The following MTMR7 variants were observed in gnomAD, a reference collection of about 807,000 sequenced individuals.
MTMR7 encodes myotubularin related protein 7, also known as phosphatidylinositol-3-phosphate phosphatase MTMR7.
A neutral mutation model predicts 81.2 loss-of-function variants in MTMR7; 76 were observed. The ratio of observed to expected loss-of-function variants is 0.94; its 90% CI spans 0.78 to 1.13. The LOEUF (loss-of-function observed/expected upper bound fraction) is 1.13, where lower values mean the gene tolerates loss of function less well. Ranked by LOEUF, MTMR7 falls within the 50% of genes most tolerant of loss-of-function variation. MTMR7 has a pLI of 0.00. For synonymous variants in MTMR7, 372 were observed against 289.8 expected, an observed-to-expected ratio of 1.28 and a Z score of -2.88; for missense variants, 1,044 against 820.0, an observed-to-expected ratio of 1.27 and a Z score of -3.34.
chr8:17,315,540 T>C (rs369399683), intron 7 of MTMR7, among the ~76,000 whole-genome samples: 12 of 152,304 alleles, frequency 7.9e-5, no homozygotes, highest in African/African-American at 2.9e-4. Flanking sequence ...ATGTGAATAA[T>C]GCAGGTGGCT....
At chr8:17,313,447 C>T in intron 7 of MTMR7, 46 bp from the exon 8 acceptor site, 1 of 1,212,202 alleles carries the variant, frequency 8.2e-7, no homozygotes, top group Non-Finnish European at 1.2e-6. Flanking sequence ...GGTACTCTCT[C>T]ATTTTACATA....
At chr8:17,361,610 A>T (rs1225553618) in intron 3 of MTMR7, among the ~76,000 whole-genome samples, 5 of 152,240 alleles carry the variant, frequency 3.3e-5, no homozygotes, top group Admixed American at 2.0e-4. Flanking sequence ...AATTAAGAAC[A>T]TATGCATTCA....
chr8:17,404,415 T>C (rs563494874), intron 1 of MTMR7, among the ~76,000 whole-genome samples: 18 of 152,298 alleles, frequency 1.2e-4, no homozygotes, highest in Admixed American at 4.6e-4. Flanking sequence ...GAGGTACCTA[T>C]TAGATATACA....
At chr8:17,377,136 A>G (rs941663721) in intron 1 of MTMR7, among the ~76,000 whole-genome samples, 5 of 152,076 alleles carry the variant, frequency 3.3e-5, no homozygotes, top group Non-Finnish European at 5.9e-5. Context: ...TGAATTAACC[A>G]TGGTTATGAT....
chr8:17,312,443 C>T (rs1288622541), intron 8 of MTMR7, among the ~76,000 whole-genome samples: 12 of 151,902 alleles, frequency 7.9e-5, no homozygotes, highest in Non-Finnish European at 8.8e-5. Flanking sequence ...GGCATAGTGG[C>T]GCGTGCCAGT....
intron 4 of MTMR7, among the ~76,000 whole-genome samples, chr8:17,354,077 G>A (rs913527348): frequency 6.6e-6 from 1 of 152,166 alleles, no homozygotes; most frequent in Non-Finnish European, 1.5e-5. Context: ...ATCCAAAAGT[G>A]TCACTCAGCC....
rs553617381 is a variant in MTMR7, at chr8:17,377,137, T to C, written c.25-3897A>G. Among the ~76,000 whole-genome samples, 8 of 152,214 alleles carry C rather than the reference T, an allele frequency of 5.3e-5. No individual in the cohort carries two copies. In the East Asian group the frequency reaches 1.5e-3, roughly 29 times the overall value. ...CTGCTGTTATCAAGTGAATTAACCA[T>C]GGTTATGATTACATCAATTAATCAG... On this transcript the variant is annotated intron_variant, in intron 1 of 13. Transcript: ENST00000180173.
intron 3 of MTMR7, 29 bp from the exon 4 acceptor site, chr8:17,361,303 T>A: frequency 6.2e-7 from 1 of 1,613,122 alleles, no homozygotes; most frequent in South Asian, 1.1e-5. Flanking sequence ...TAAAGTTAAA[T>A]CAAGCTTAGT....
In MTMR7 at chr8:17,390,389, T is replaced by C. The variant is rs1206136844; in HGVS notation, c.25-17149A>G. Among the ~76,000 whole-genome samples the C allele has an allele frequency of 1.3e-5, 2 of 152,132 alleles. 1 individual carries two copies. The highest frequency in any genetic ancestry group is 4.1e-4 in the South Asian group (2 of 4,830). The stretch of plus-strand genomic sequence containing the variant: ...TATCACAAGAGCAGCACCAAGGCGA[T>C]GGTGCTAAACCATTCATATGAAATC... On this transcript the variant is annotated intron_variant, in intron 1 of 13. Coordinates refer to ENST00000180173, the MANE Select transcript of MTMR7 (RefSeq NM_004686.5).
At chr8:17,347,294 C>T (rs1046306924) in intron 5 of MTMR7, among the ~76,000 whole-genome samples, 1 of 152,084 alleles carries the variant, frequency 6.6e-6, no homozygotes, top group Non-Finnish European at 1.5e-5. Context: ...TACTTTAGAC[C>T]CTAATTCAAG....
At chr8:17,339,366 A>G (rs60781858) in intron 6 of MTMR7, among the ~76,000 whole-genome samples, 11,019 of 152,160 alleles carry the variant, frequency 0.072, 741 homozygotes, top group East Asian at 0.31. Flanking sequence ...CCATGATCTC[A>G]TTTTAGAATA....
intron 7 of MTMR7, among the ~76,000 whole-genome samples, chr8:17,319,455 G>A (rs1476010168): frequency 1.3e-5 from 2 of 152,192 alleles, no homozygotes; most frequent in East Asian, 1.9e-4. Context: ...GTTAAGGCAC[G>A]AAGTGATCAA....
At chr8:17,408,395 CAAAAAAAAAA>C (rs530240881) in intron 1 of MTMR7, among the ~76,000 whole-genome samples, 1 of 23,486 alleles carries the variant, frequency 4.3e-5, no homozygotes, top group African/African-American at 9.4e-5. Context: ...GACTCCGTCT[CAAAAAAAAAA>C]AAAAAAAAAA....
chr8:17,357,726 T>G (rs890139429), intron 4 of MTMR7, among the ~76,000 whole-genome samples: 1 of 152,124 alleles, frequency 6.6e-6, no homozygotes, highest in African/African-American at 2.4e-5. Flanking sequence ...GGAATAGCAA[T>G]GCCAAACTGC....
intron 13 of MTMR7, among the ~76,000 whole-genome samples, chr8:17,300,823 G>A (rs1817061975): frequency 6.6e-6 from 1 of 152,132 alleles, no homozygotes; most frequent in South Asian, 2.1e-4. Flanking sequence ...CTATCTCTAT[G>A]GATTTGCCTA....
chr8:17,401,454 C>T (rs564577659), intron 1 of MTMR7, among the ~76,000 whole-genome samples: 46 of 151,840 alleles, frequency 3.0e-4, no homozygotes, highest in Non-Finnish European at 6.5e-4. Flanking sequence ...GGAGAAGGGG[C>T]AGATAAGGTA....
At chr8:17,344,654 T>C (rs903789743) in intron 5 of MTMR7, among the ~76,000 whole-genome samples, 3 of 152,154 alleles carry the variant, frequency 2.0e-5, no homozygotes, top group East Asian at 1.9e-4. Context: ...CCAGTACCAG[T>C]TGTGCTCTCA....
chr8:17,299,558 G>T lies in MTMR7; in HGVS notation c.*304C>A. On this transcript the variant is annotated 3_prime_UTR_variant, in exon 14 of 14. Coordinates refer to ENST00000180173, the MANE Select transcript of MTMR7 (RefSeq NM_004686.5). ...GAGAGATGCATGCTATGACAAGGAA[G>T]ATAGATACTGATCACTTCAGGTAAT... is the stretch of plus-strand genomic sequence containing the variant. 1 of 289,852 alleles carries T rather than the reference G, an allele frequency of 3.5e-6. No individual in the cohort carries two copies. Among genetic ancestry groups the T allele is most frequent in the Non-Finnish European group, 6.5e-6 (1 of 153,968 alleles). 18.0% of individuals were successfully genotyped at this position (289,852 alleles called of 1,614,324 possible). A position where few individuals can be genotyped will look rare whatever the true frequency, so the allele number is the denominator to read the frequency against.
chr8:17,303,808 C>T (rs1817280636), intron 12 of MTMR7, among the ~76,000 whole-genome samples: 1 of 152,114 alleles, frequency 6.6e-6, no homozygotes, highest in African/African-American at 2.4e-5. Context: ...CTGGGTCTCC[C>T]CATGTTGGCC....
Sources: allele counts gnomAD v4.1 joint callset (sites outside exome capture counted in the v4.1 genomes callset), GRCh38; gene constraint gnomAD v4.1.1; transcripts MANE v1.5; gene names NCBI Gene and HGNC (gene_info 2026-07-23, HGNC 2026-07-21).